The following SAMD5 variants were observed in gnomAD, a reference collection of about 807,000 sequenced individuals.
SAMD5 encodes sterile alpha motif domain containing 5.
Under a neutral mutation model 11.3 loss-of-function variants are expected in SAMD5, and 13 were observed. That is an observed-to-expected ratio of 1.15 (90% confidence interval 0.75 to 1.83). The LOEUF (loss-of-function observed/expected upper bound fraction) is 1.83. Among genes scored for constraint, SAMD5 ranks in the 40% most tolerant of loss-of-function variants. The probability of loss-of-function intolerance (pLI) is 0.00; values close to 1 mark genes in which losing one functional copy is unlikely to be tolerated. For missense variants in SAMD5, 255 were observed against 239.1 expected (o/e 1.07, Z -0.44); for synonymous variants, 129 against 111.3 (o/e 1.16, Z -1.00).
At position 147,698,315 on chromosome 6, in the gene SAMD5, C is replaced by T. The variant is rs531864596; in HGVS notation, c.163-39002C>T. On this transcript the variant is annotated intron_variant, in intron 1 of 1. Transcript: ENST00000566741. ...ACCTAATTACCTCCCAGAGACCCCA[C>T]CTCCTAATGTTATCATCTTGGGTAT... Among the ~76,000 whole-genome samples, 16 of 152,254 alleles carry T rather than the reference C, an allele frequency of 1.1e-4. No homozygotes were observed. The South Asian group carries it at 3.1e-3, about 30-fold the overall frequency.
At chr6:147,887,817 A>G in the SAMD5 span, among the ~76,000 whole-genome samples, 1 of 152,308 alleles carries the variant, frequency 6.6e-6, no homozygotes, top group South Asian at 2.1e-4. Flanking sequence ...CAGTTCCTCC[A>G]CAGCCAGCAC....
At chr6:147,721,326 G>A (rs1791548843) in intron 1 of SAMD5, among the ~76,000 whole-genome samples, 1 of 151,296 alleles carries the variant, frequency 6.6e-6, no homozygotes, top group African/African-American at 2.4e-5. Context: ...CAGTGTAAAA[G>A]CATTCCTATT....
At chr6:147,737,537 T>G (rs1045559767) in exon 2 of SAMD5, 2 of 264,224 alleles carry the variant, frequency 7.6e-6, no homozygotes, top group Non-Finnish European at 1.6e-5. Context: ...GTCCTCCTTT[T>G]GGGACAGTGA....
At chr6:147,560,017 G>T (rs974762765) in intron 1 of SAMD5, among the ~76,000 whole-genome samples, 4 of 152,154 alleles carry the variant, frequency 2.6e-5, no homozygotes, top group Non-Finnish European at 5.9e-5. Context: ...AGGCAATAAA[G>T]ACTATCTGAC....
chr6:147,624,099 A>G (rs1790012827), intron 1 of SAMD5, among the ~76,000 whole-genome samples: 1 of 152,148 alleles, frequency 6.6e-6, no homozygotes. Context: ...CAAGCTCCTG[A>G]CCTCAAGTGA....
intron 1 of SAMD5, among the ~76,000 whole-genome samples, chr6:147,583,727 A>G (rs531224586): frequency 6.6e-6 from 1 of 152,150 alleles, no homozygotes; most frequent in East Asian, 1.9e-4. Flanking sequence ...GCCCCATAGA[A>G]CGGTAAAATG....
intron 1 of SAMD5, among the ~76,000 whole-genome samples, chr6:147,652,713 A>G (rs9390485): frequency 0.41 from 62,486 of 151,902 alleles, 14,813 homozygotes; most frequent in Middle Eastern, 0.54. Context: ...ACAGTTTATT[A>G]TCCTACAGTC....
chr6:147,603,747 T>C (rs1747782513), intron 1 of SAMD5, among the ~76,000 whole-genome samples: 1 of 152,116 alleles, frequency 6.6e-6, no homozygotes, highest in South Asian at 2.1e-4. Context: ...ACATTTGGCA[T>C]ATTTATGAAC....
At chr6:147,524,619 T>G (rs1788308081) in intron 1 of SAMD5, among the ~76,000 whole-genome samples, 1 of 152,140 alleles carries the variant, frequency 6.6e-6, no homozygotes. Context: ...CGGACTTCTC[T>G]GCTTGCTTGA....
At chr6:147,564,249 A>C (rs139345445) in intron 1 of SAMD5, 145 bp from the exon 2 acceptor site, 38 of 516,280 alleles carry the variant, frequency 7.4e-5, no homozygotes, top group Non-Finnish European at 1.3e-4. Context: ...ACAAGCAAAA[A>C]CTCTTAGGGC....
chr6:147,830,109 A>T, the SAMD5 span, among the ~76,000 whole-genome samples: 1 of 152,028 alleles, frequency 6.6e-6, no homozygotes, highest in Non-Finnish European at 1.5e-5. Context: ...GTGATTTGTT[A>T]ATATTGGAGA....
rs148743693 is a variant in SAMD5, at chr6:147,526,466, C to T, written c.459+17079C>T. Among the ~76,000 whole-genome samples the T allele has an allele frequency of 1.3e-3, 193 of 152,306 alleles. 1 individual carries two copies. The highest frequency in any genetic ancestry group is 4.3e-3 in the African/African-American group (180 of 41,576). On this transcript the variant is annotated intron_variant, in intron 1 of 1. Coordinates refer to ENST00000367474, the MANE Select transcript of SAMD5 (RefSeq NM_001030060.3). ...ATATATGTAAGTAAACATAACATTT[C>T]AGCATCATATGAATGCCAAAATGAA...
At chr6:147,750,584 G>C in the SAMD5 span, among the ~76,000 whole-genome samples, 1 of 152,154 alleles carries the variant, frequency 6.6e-6, no homozygotes. Flanking sequence ...GCTTCTCACA[G>C]TTTGATGAGG....
chr6:147,532,407 C>A (rs1408302383), intron 1 of SAMD5, among the ~76,000 whole-genome samples: 2 of 151,832 alleles, frequency 1.3e-5, no homozygotes, highest in Non-Finnish European at 2.9e-5. Flanking sequence ...GGTTTCCATT[C>A]CTGAGTTACT....
At chr6:147,806,916 T>A in the SAMD5 span, among the ~76,000 whole-genome samples, 8 of 152,078 alleles carry the variant, frequency 5.3e-5, no homozygotes, top group Admixed American at 2.6e-4. Context: ...AGCACTTGTT[T>A]GCTCTCTCTC....
intron 1 of SAMD5, among the ~76,000 whole-genome samples, chr6:147,599,418 T>C (rs919457999): frequency 6.6e-6 from 1 of 152,190 alleles, no homozygotes; most frequent in African/African-American, 2.4e-5. Flanking sequence ...AATGAATCTG[T>C]GAGCACATTT....
At chr6:147,717,705 G>A (rs1791488100) in intron 1 of SAMD5, among the ~76,000 whole-genome samples, 1 of 152,138 alleles carries the variant, frequency 6.6e-6, no homozygotes, top group South Asian at 2.1e-4. Context: ...AAAAACTACA[G>A]GTGGTGGGCA....
At chr6:147,588,324 T>G (rs1331636113) in intron 1 of SAMD5, among the ~76,000 whole-genome samples, 3 of 146,814 alleles carry the variant, frequency 2.0e-5, no homozygotes, top group African/African-American at 7.6e-5. Flanking sequence ...TTTTTTTTTT[T>G]TTTTTTTGAG....
intron 1 of SAMD5, among the ~76,000 whole-genome samples, chr6:147,700,112 C>T (rs976145604): frequency 2.6e-5 from 4 of 152,004 alleles, no homozygotes; most frequent in South Asian, 2.1e-4. Context: ...TGCTTCCTTT[C>T]GATTAAAAAA....
Sources: gnomAD v4.1 joint callset for allele counts (sites outside exome capture counted in the v4.1 genomes callset) on GRCh38, gnomAD v4.1.1 for gene constraint, MANE v1.5 for transcripts, NCBI Gene and HGNC (gene_info 2026-07-23, HGNC 2026-07-21) for gene names.